IPO8: variants seen among roughly 807,000 people sequenced by gnomAD.
IPO8 encodes importin 8.
A neutral mutation model predicts 141.2 loss-of-function variants in IPO8; 65 were observed. The ratio of observed to expected loss-of-function variants is 0.46; its 90% confidence interval spans 0.38 to 0.57. The LOEUF (loss-of-function observed/expected upper bound fraction) is 0.57, where lower values mean the gene tolerates loss of function less well. Among genes scored for constraint, IPO8 ranks in the 20% least tolerant of loss-of-function variants. IPO8 has a pLI of 0.00. For missense variants in IPO8, 980 were observed against 1,246.8 expected (o/e 0.79, Z 3.22); for synonymous variants, 411 against 420.3 (o/e 0.98, Z 0.27).
intron 2 of IPO8, among the ~76,000 whole-genome samples, chr12:30,687,051 C>T (rs1484792982): frequency 2.6e-5 from 4 of 152,012 alleles, no homozygotes; most frequent in Non-Finnish European, 5.9e-5. Context: ...AACCAATAAT[C>T]TGAAAACTTC....
intron 4 of IPO8, among the ~76,000 whole-genome samples, chr12:30,681,372 T>C (rs895813806): frequency 6.6e-6 from 1 of 152,240 alleles, no homozygotes; most frequent in Non-Finnish European, 1.5e-5. Context: ...GGTATCTCTA[T>C]ATCAGAGTTT....
Position 30,681,693 on chromosome 12 carries a change from A to T in IPO8, c.448T>A (p.Leu150Ile), listed in dbSNP as rs2053190146. 6.2e-7 allele frequency: 1 copy of T among 1,613,686 alleles called. No individual in the cohort carries two copies. Among genetic ancestry groups the T allele is most frequent in the African/African-American group, 1.3e-5 (1 of 74,926 alleles). ...SQSSASWLGSLLCLYQLVKTY... is the reference protein window; with the variant it reads ...SQSSASWLGSILCLYQLVKTY... The stretch of plus-strand genomic sequence containing the variant: ...TTCACCAGTTGATACAGGCATAATA[A>T]ACTGCCAAGCCAGCTTGCACTGCTC... Residue 150 changes from leucine to isoleucine, a missense_variant, in exon 4 of 25, where the codon TTA (leucine) becomes ATA (isoleucine). Leu to Ile is a conservative substitution (Grantham distance 5, BLOSUM62 2). Transcript: ENST00000256079.
chr12:30,685,863 A>G (rs2053237076), intron 2 of IPO8, among the ~76,000 whole-genome samples: 1 of 149,780 alleles, frequency 6.7e-6, no homozygotes, highest in Non-Finnish European at 1.5e-5. Flanking sequence ...AGATCATGCC[A>G]CAGCACTGCA....
At chr12:30,685,900 CA>C (rs397849869) in intron 2 of IPO8, among the ~76,000 whole-genome samples, 36,494 of 88,006 alleles carry the variant, frequency 0.41, 4,479 homozygotes, top group African/African-American at 0.51. Flanking sequence ...AAGACTCTGT[CA>C]AAAAAAAAAA....
chr12:30,676,965 A>G, intron 5 of IPO8: 1 of 1,532,910 alleles, frequency 6.5e-7, no homozygotes, highest in Non-Finnish European at 8.7e-7. Flanking sequence ...ACACTCATGA[A>G]ACATTTTTTT....
rs2052883100 is a variant in IPO8, at chr12:30,661,267, C to T, written c.1756-1G>A. The T allele has an allele frequency of 6.3e-7, 1 of 1,580,250 alleles. No individual in the cohort carries two copies. The highest frequency in any genetic ancestry group is 1.2e-5 in the South Asian group (1 of 85,416). On this transcript the variant is annotated splice_acceptor_variant, in intron 15 of 24. Coordinates refer to ENST00000256079, the MANE Select transcript of IPO8 (RefSeq NM_006390.4). LOFTEE classifies it high-confidence loss of function. ...GAAGAACTTTGCCAAATATCTCAGC[C>T]TATGAAAATAACATTAAAGTATTCC... is the stretch of plus-strand genomic sequence containing the variant.
intron 2 of IPO8, among the ~76,000 whole-genome samples, chr12:30,685,499 G>GTT (rs1555118457): frequency 1.6e-5 from 2 of 128,154 alleles, no homozygotes; most frequent in African/African-American, 6.3e-5. Context: ...TACTTATAAT[G>GTT]TTGTGTGTGT....
intron 20 of IPO8, among the ~76,000 whole-genome samples, chr12:30,643,633 C>T (rs1210122232): frequency 6.6e-6 from 1 of 152,150 alleles, no homozygotes; most frequent in Non-Finnish European, 1.5e-5. Flanking sequence ...ATGTAATGAG[C>T]GACTTCTCAC....
intron 5 of IPO8, among the ~76,000 whole-genome samples, chr12:30,678,414 T>C (rs1001074250): frequency 6.6e-6 from 1 of 152,198 alleles, no homozygotes; most frequent in Non-Finnish European, 1.5e-5. Flanking sequence ...TTACTTACCA[T>C]TGAGTTACAG....
At position 30,670,967 on chromosome 12, in the gene IPO8, T is replaced by A. The variant is rs758834918; in HGVS notation, c.1039A>T (p.Ile347Leu). 3.1e-6 allele frequency: 5 copies of A among 1,613,004 alleles called. No homozygotes were observed. The highest frequency in any genetic ancestry group is 4.2e-6 in the Non-Finnish European group (5 of 1,179,370). Reference protein sequence around the residue: ...SITWKQMKPHIQNISEDVIFS... With the variant: ...SITWKQMKPHLQNISEDVIFS... ...AGCTGCTCTCTGACACTAACCTGTA[T>A]GTGTGGCTTCATCTGCTTCCAGGTT... The change falls in exon 9 of 25, where the codon ATA becomes TTA. Residue 347 changes from isoleucine to leucine, a missense_variant. Coordinates refer to ENST00000256079, the MANE Select transcript of IPO8 (RefSeq NM_006390.4).
chr12:30,632,760 G>A (rs144729906), intron 23 of IPO8, among the ~76,000 whole-genome samples: 1 of 152,046 alleles, frequency 6.6e-6, no homozygotes. Flanking sequence ...ATCCATCACC[G>A]GGTAACTCCC....
At chr12:30,653,189 A>C in intron 17 of IPO8, 97 bp from the exon 18 acceptor site, 1 of 1,047,844 alleles carries the variant, frequency 9.5e-7, no homozygotes, top group Non-Finnish European at 1.4e-6. Flanking sequence ...ACGCACACAG[A>C]GTCCTCCTCT....
At chr12:30,637,728 AC>A (rs1217593346) in intron 21 of IPO8, among the ~76,000 whole-genome samples, 2 of 152,196 alleles carry the variant, frequency 1.3e-5, no homozygotes, top group African/African-American at 4.8e-5. Context: ...AAATATAAGG[AC>A]AAGGAAAATT....
chr12:30,665,287 AT>A lies in IPO8; in HGVS notation c.1360del (p.Met454TrpfsTer34). 6.3e-7 allele frequency: 1 copy of A among 1,594,624 alleles called. No homozygotes were observed. Among genetic ancestry groups the A allele is most frequent in the Non-Finnish European group, 8.6e-7 (1 of 1,165,650 alleles). ...LLKKSLFKDQ[M>X]ELFLQNHVFP... ...TACATGATTTTGTAGAAACAGCTCCATTTGGTCCTTGAATAAACTCTTCTAT... is the reference window on the plus strand; with the variant it reads ...TACATGATTTTGTAGAAACAGCTCCATTGGTCCTTGAATAAACTCTTCTAT... On this transcript the variant is annotated frameshift_variant, in exon 13 of 25. Coordinates refer to ENST00000256079, the MANE Select transcript of IPO8 (RefSeq NM_006390.4). LOFTEE classifies it high-confidence loss of function.
intron 20 of IPO8, among the ~76,000 whole-genome samples, chr12:30,645,667 C>A (rs1273902328): frequency 6.6e-6 from 1 of 151,542 alleles, no homozygotes; most frequent in Non-Finnish European, 1.5e-5. Context: ...AACCCAGGAA[C>A]AAAACAGGGT....
intron 17 of IPO8, among the ~76,000 whole-genome samples, chr12:30,654,146 C>T (rs772896753): frequency 7.9e-5 from 12 of 151,938 alleles, no homozygotes; most frequent in Non-Finnish European, 1.6e-4. Flanking sequence ...AACTAAATAT[C>T]CATTTGCAGA....
rs2052937873 is a variant in IPO8 at position 30,664,770 on chromosome 12, C to T, written c.1428+450G>A. Among the ~76,000 whole-genome samples the T allele has an allele frequency of 2.6e-5, 4 of 151,490 alleles. No individual in the cohort carries two copies. In the South Asian group the frequency reaches 8.3e-4, roughly 31 times the overall value. ...TTTTCCTTTTTTTTTGAGACAGGGT[C>T]TCACTGTTGTCCAGGCTGGAGTGCA... On this transcript the variant is annotated intron_variant, in intron 13 of 24. Transcript: ENST00000256079.
chr12:30,664,013 G>T lies in IPO8; in HGVS notation c.1429-359C>A, dbSNP rs187616327. 2.0e-5 allele frequency among the ~76,000 whole-genome samples: 3 copies of T among 152,192 alleles called. No individual in the cohort carries two copies. In the East Asian group the frequency reaches 5.8e-4, roughly 29 times the overall value. On this transcript the variant is annotated intron_variant, in intron 13 of 24. Transcript: ENST00000256079. ...TCTGAAATTCATTTGTCACACTTAG[G>T]TAAAACATTATTTTCCCTTACACTA...
chr12:30,649,336 G>T, intron 19 of IPO8, 104 bp from the exon 20 acceptor site: 1 of 710,724 alleles, frequency 1.4e-6, no homozygotes, highest in Non-Finnish European at 2.3e-6. Flanking sequence ...AGGAACCACA[G>T]CTTTGCTTGC....
Sources: allele counts gnomAD v4.1 joint callset (sites outside exome capture counted in the v4.1 genomes callset), GRCh38; gene constraint gnomAD v4.1.1; transcripts MANE v1.5; gene names NCBI Gene and HGNC (gene_info 2026-07-23, HGNC 2026-07-21).